MTA3: variants seen among roughly 807,000 people sequenced by gnomAD.
MTA3 encodes the protein metastasis associated 1 family member 3.
A neutral mutation model predicts 83.5 loss-of-function variants in MTA3; 34 were observed. The ratio of observed to expected loss-of-function variants is 0.41; its 90% CI spans 0.31 to 0.54. The LOEUF (loss-of-function observed/expected upper bound fraction) is 0.54, where lower values mean the gene tolerates loss of function less well. Among genes scored for constraint, MTA3 ranks in the 20% least tolerant of loss-of-function variants. The pLI, the probability that MTA3 is intolerant of heterozygous loss-of-function variation, is 0.33. For synonymous variants in MTA3, 303 were observed against 252.7 expected (o/e 1.20, Z -1.89); for missense variants, 761 against 726.4 (o/e 1.05, Z -0.55).
chr2:42,553,372 C>T (rs1248702591), intron 2 of MTA3, among the ~76,000 whole-genome samples: 5 of 144,322 alleles, frequency 3.5e-5, no homozygotes, highest in South Asian at 4.4e-4. Flanking sequence ...TGCAGTGAGC[C>T]GAGATTGCGC....
chr2:42,674,755 T>G (rs10176528), intron 8 of MTA3, among the ~76,000 whole-genome samples: 2 of 151,118 alleles, frequency 1.3e-5, no homozygotes, highest in African/African-American at 4.8e-5. Flanking sequence ...CGTGCCACCA[T>G]GCCCGGCTAA....
At chr2:42,553,862 C>T (rs1412434198) in intron 2 of MTA3, among the ~76,000 whole-genome samples, 5 of 106,582 alleles carry the variant, frequency 4.7e-5, no homozygotes, top group African/African-American at 1.6e-4. Flanking sequence ...CAGAGCAAGA[C>T]TCCATCTCAA....
In MTA3 at chr2:42,573,853, C is replaced by T. The variant is rs189049949; in HGVS notation, c.96+3349C>T. Reference sequence around the variant, plus strand: ...TTCTTTTTTGAGATGGAGTCTCGCTCCGTCGACCAGGCTAGAGTGCAGTGG... The same window carrying T: ...TTCTTTTTTGAGATGGAGTCTCGCTTCGTCGACCAGGCTAGAGTGCAGTGG... On this transcript the variant is annotated intron_variant, in intron 2 of 16. Transcript: ENST00000405094. 9.7e-4 allele frequency among the ~76,000 whole-genome samples: 147 copies of T among 151,628 alleles called. 1 individual carries two copies. The highest frequency in any genetic ancestry group is 6.8e-3 in the Middle Eastern group (2 of 294).
At chr2:42,694,587 T>C (rs1693212346) in intron 9 of MTA3, among the ~76,000 whole-genome samples, 3 of 151,832 alleles carry the variant, frequency 2.0e-5, no homozygotes, top group Admixed American at 2.0e-4. Context: ...GTGATGTTCT[T>C]CCTCCATATG....
At chr2:42,616,034 C>T (rs1182537815) in intron 4 of MTA3, among the ~76,000 whole-genome samples, 3 of 151,362 alleles carry the variant, frequency 2.0e-5, no homozygotes, top group Non-Finnish European at 4.4e-5. Context: ...AGGCGTGAGC[C>T]ACCGAGACTG....
intron 2 of MTA3, among the ~76,000 whole-genome samples, chr2:42,547,042 A>G (rs1676788496): frequency 6.6e-6 from 1 of 152,194 alleles, no homozygotes; most frequent in Admixed American, 6.6e-5. Context: ...GGTTCCCCCC[A>G]CTACTCTCTG....
Position 42,708,017 on chromosome 2 carries a change from CAGA to C in MTA3, c.1272_1274del (p.Glu425del), listed in dbSNP as rs751860565. ...GGAGGCTTGAAAATGCCCACCCAGT[CAGA>C]AGAAGAGAAGTTATCTCCTAGCCCA... On this transcript the variant is annotated inframe_deletion, in exon 13 of 17. Transcript: ENST00000405094. 3 of 1,612,874 alleles carry C rather than the reference CAGA, an allele frequency of 1.9e-6. No individual in the cohort carries two copies. The highest frequency in any genetic ancestry group is 1.1e-5 in the South Asian group (1 of 90,766).
chr2:42,657,579 G>A (rs1402987249), intron 7 of MTA3, among the ~76,000 whole-genome samples: 1 of 152,078 alleles, frequency 6.6e-6, no homozygotes, highest in Non-Finnish European at 1.5e-5. Flanking sequence ...CCAGCATGAA[G>A]GACACCAAGG....
intron 4 of MTA3, among the ~76,000 whole-genome samples, chr2:42,636,272 G>C (rs182517117): frequency 3.3e-5 from 5 of 152,254 alleles, no homozygotes; most frequent in African/African-American, 1.2e-4. Context: ...CAAGTGTGGT[G>C]GCTCATGTCT....
chr2:42,728,839 G>A (rs923335726), intron 16 of MTA3, among the ~76,000 whole-genome samples: 4 of 151,998 alleles, frequency 2.6e-5, no homozygotes, highest in African/African-American at 4.8e-5. Flanking sequence ...TTTGAGCTCC[G>A]TATATATTCT....
At chr2:42,601,046 A>C (rs772316793) in intron 3 of MTA3, among the ~76,000 whole-genome samples, 3 of 152,034 alleles carry the variant, frequency 2.0e-5, no homozygotes, top group Non-Finnish European at 4.4e-5. Context: ...AGCTGGGACT[A>C]TAGGCATGCG....
chr2:42,549,632 TAC>T (rs1295814740), intron 2 of MTA3, among the ~76,000 whole-genome samples: 1 of 124,258 alleles, frequency 8.0e-6, no homozygotes, highest in Non-Finnish European at 1.6e-5. Context: ...TATATACATA[TAC>T]ATATATAATA....
At chr2:42,595,234 C>G (rs575122616) in intron 3 of MTA3, among the ~76,000 whole-genome samples, 5 of 149,896 alleles carry the variant, frequency 3.3e-5, no homozygotes, top group African/African-American at 7.4e-5. Context: ...CTCAGCCTCC[C>G]GAGTAGCTGG....
intron 9 of MTA3, among the ~76,000 whole-genome samples, chr2:42,695,535 C>A (rs1289287080): frequency 7.1e-6 from 1 of 141,738 alleles, no homozygotes; most frequent in Non-Finnish European, 1.5e-5. Context: ...GCTTGGGAGG[C>A]TAGGCAGAAG....
At chr2:42,561,225 G>C (rs959288757) in intron 2 of MTA3, among the ~76,000 whole-genome samples, 2 of 152,038 alleles carry the variant, frequency 1.3e-5, no homozygotes, top group Non-Finnish European at 2.9e-5. Flanking sequence ...TATACAAAAG[G>C]CCTTCCCTTA....
At chr2:42,524,155 C>T (rs1405282350) in intron 2 of MTA3, among the ~76,000 whole-genome samples, 1 of 152,078 alleles carries the variant, frequency 6.6e-6, no homozygotes, top group Non-Finnish European at 1.5e-5. Context: ...AGATTGGAAA[C>T]TCCTCAAGCC....
chr2:42,659,896 T>C (rs756962991), intron 8 of MTA3, 34 bp downstream of exon 8: 3 of 1,517,598 alleles, frequency 2.0e-6, no homozygotes, highest in African/African-American at 2.8e-5. Context: ...TGGGTATTTA[T>C]CCTTCTGTTA....
At chr2:42,593,708 C>A (rs1558471349) in intron 3 of MTA3, among the ~76,000 whole-genome samples, 1 of 151,106 alleles carries the variant, frequency 6.6e-6, no homozygotes, top group Non-Finnish European at 1.5e-5. Flanking sequence ...GATATGGAGT[C>A]TTTATTTATT....
chr2:42,512,052 AATAATT>A (rs915533218), intron 2 of MTA3, among the ~76,000 whole-genome samples: 1 of 151,246 alleles, frequency 6.6e-6, no homozygotes, highest in African/African-American at 2.4e-5. Flanking sequence ...TAAAATAAAA[AATAATT>A]ATAATAATAT....
Sources: allele counts gnomAD v4.1 joint callset (sites outside exome capture counted in the v4.1 genomes callset), GRCh38; gene constraint gnomAD v4.1.1; transcripts MANE v1.5; gene names NCBI Gene and HGNC (gene_info 2026-07-23, HGNC 2026-07-21).